The following SIMC1 variants were observed in gnomAD, a reference collection of about 807,000 sequenced individuals.
SIMC1 encodes SUMO-interacting motif-containing protein 1.
In SIMC1, 55 loss-of-function variants were observed where a neutral mutation model predicts 82.3. That is an observed-to-expected ratio of 0.67 (90% CI 0.54 to 0.84). The LOEUF is 0.84. Among genes scored for constraint, SIMC1 ranks in the 40% least tolerant of loss-of-function variants. SIMC1 has a pLI of 0.00. For synonymous variants in SIMC1, 353 were observed against 426.3 expected (o/e 0.83, Z 2.12); for missense variants, 915 against 1,107.2 (o/e 0.83, Z 2.46).
intron 1 of SIMC1, among the ~76,000 whole-genome samples, chr5:176,275,898 A>G (rs949335679): frequency 4.6e-5 from 7 of 151,652 alleles, no homozygotes; most frequent in East Asian, 1.9e-4. Flanking sequence ...GGATTTTTGC[A>G]TCAATGTTCA....
chr5:176,285,940 A>G (rs1048966539), intron 1 of SIMC1, among the ~76,000 whole-genome samples: 1 of 152,226 alleles, frequency 6.6e-6, no homozygotes, highest in Non-Finnish European at 1.5e-5. Context: ...GATGTGAAGG[A>G]CCTCTTCAAG....
intron 8 of SIMC1, 84 bp from the exon 9 acceptor site, chr5:176,336,978 A>T: frequency 6.2e-7 from 1 of 1,600,780 alleles, no homozygotes; most frequent in Non-Finnish European, 8.5e-7. Flanking sequence ...CTGTTTGAGC[A>T]TTCTGTAAAG....
In SIMC1 at chr5:176,277,836, G is replaced by C. The variant is rs1339063624; in HGVS notation, c.130-11818G>C. Among the ~76,000 whole-genome samples, 1,006 of 151,838 alleles carry C rather than the reference G, an allele frequency of 6.6e-3. 24 individuals carry two copies. The highest frequency in any genetic ancestry group is 0.023 in the African/African-American group (942 of 41,298). ...TCTGTTTTGGTACCAGTACCATGCT[G>C]TTTTGGTGACTGTAGCCTTGTAGTA... On this transcript the variant is annotated intron_variant, in intron 1 of 9. Coordinates refer to ENST00000429602, the MANE Select transcript of SIMC1 (RefSeq NM_001308195.2).
intron 7 of SIMC1, among the ~76,000 whole-genome samples, chr5:176,331,368 TAAAA>T (rs70991536): frequency 1.5e-5 from 2 of 131,442 alleles, no homozygotes. Context: ...AGACTCTGTC[TAAAA>T]AAAAAAAAAA....
Position 176,290,068 on chromosome 5 carries a change from G to C in SIMC1, c.544G>C (p.Val182Leu). The change falls in exon 2 of 10, where the codon GTT becomes CTT. Residue 182 changes from valine to leucine, a missense_variant. Coordinates refer to ENST00000429602, the MANE Select transcript of SIMC1 (RefSeq NM_001308195.2). ...GGCAAGTCTACAGCTGTCTTCAGAT[G>C]TTAGCTCCCTCTCCCCAACAAGCAA... ...FLASLQLSSD[V>L]SSLSPTSNNS... 2.5e-6 allele frequency: 4 copies of C among 1,609,654 alleles called. No individual in the cohort carries two copies. The highest frequency in any genetic ancestry group is 3.4e-6 in the Non-Finnish European group (4 of 1,177,858).
chr5:176,276,725 A>T (rs1199415375), intron 1 of SIMC1, among the ~76,000 whole-genome samples: 1 of 142,970 alleles, frequency 7.0e-6, no homozygotes. Context: ...GCGATAGTTT[A>T]CTGAGAATGA....
chr5:176,313,811 G>T lies in SIMC1; in HGVS notation c.1855G>T (p.Val619Leu), dbSNP rs143105269. 3.1e-6 allele frequency: 5 copies of T among 1,613,806 alleles called. No homozygotes were observed. The South Asian group carries it at 5.5e-5, about 18-fold the overall frequency. Residue 619 changes from valine to leucine, a missense_variant, in exon 5 of 10, where the codon GTG becomes TTG. Coordinates refer to ENST00000429602, the MANE Select transcript of SIMC1 (RefSeq NM_001308195.2). Reference sequence around the variant, plus strand: ...CCTGCAGCAATCCATTGCAAACATGGTGCTTTCCTGTGACAAGCAGCCCCA... The same window carrying T: ...CCTGCAGCAATCCATTGCAAACATGTTGCTTTCCTGTGACAAGCAGCCCCA... ...QHLQQSIANMVLSCDKQPHNV... is the reference protein window; with the variant it reads ...QHLQQSIANMLLSCDKQPHNV...
At chr5:176,299,731 A>G (rs541757373) in intron 4 of SIMC1, among the ~76,000 whole-genome samples, 2 of 152,314 alleles carry the variant, frequency 1.3e-5, no homozygotes, top group South Asian at 2.1e-4. Flanking sequence ...AACCAGACAG[A>G]AAATCAATAA....
chr5:176,290,264 T>C lies in SIMC1; in HGVS notation c.740T>C (p.Leu247Ser), dbSNP rs1561698160. 2.5e-6 allele frequency: 4 copies of C among 1,610,758 alleles called. No homozygotes were observed. The highest frequency in any genetic ancestry group is 3.4e-6 in the Non-Finnish European group (4 of 1,179,388). The change falls in exon 2 of 10, where the codon TTG becomes TCG. Residue 247 changes from leucine (L) to serine (S), a missense_variant. Leu to Ser is a moderately radical substitution (Grantham distance 145). This residue lies in a region of SIMC1 where 902 missense variants were observed against 1,040.3 expected (regional missense o/e 0.87). Transcript: ENST00000429602. ...GCCTCCTCATGCCCACCACGAGCCTTGTCATGCCCATCACAAACCATGCAG... is the reference window on the plus strand; with the variant it reads ...GCCTCCTCATGCCCACCACGAGCCTCGTCATGCCCATCACAAACCATGCAG... The part of the protein sequence containing the change: ...PRASSCPPRA[L>S]SCPSQTMQCQ...
chr5:176,304,145 A>T (rs1441662419), intron 4 of SIMC1, among the ~76,000 whole-genome samples: 1 of 152,052 alleles, frequency 6.6e-6, no homozygotes, highest in Non-Finnish European at 1.5e-5. Context: ...AGCTTATGGG[A>T]TGGGAGAAAA....
intron 4 of SIMC1, chr5:176,308,419 G>A: frequency 1.9e-6 from 3 of 1,607,426 alleles, no homozygotes; most frequent in Non-Finnish European, 2.6e-6. Flanking sequence ...AGAGTTGTGG[G>A]CTGGTATCAT....
At position 176,313,603 on chromosome 5, in the gene SIMC1, C is replaced by A. The variant is rs115828354; in HGVS notation, c.1735-88C>A. On this transcript the variant is annotated intron_variant, in intron 4 of 9. Coordinates refer to ENST00000429602, the MANE Select transcript of SIMC1 (RefSeq NM_001308195.2). ...CATACTTGTTGATGCATGGCCTTCT[C>A]TTGGGCTTAGTATTTATGAGAGCCC... 6.7e-4 allele frequency: 1,051 copies of A among 1,574,998 alleles called. 7 individuals carry two copies. In the African/African-American group the frequency reaches 0.012, roughly 19 times the overall value.
At chr5:176,298,250 C>T (rs1255065362) in intron 4 of SIMC1, among the ~76,000 whole-genome samples, 1 of 152,208 alleles carries the variant, frequency 6.6e-6, no homozygotes, top group African/African-American at 2.4e-5. Context: ...CCTCCCATAC[C>T]TTGGCTCTTC....
chr5:176,257,311 A>T (rs765172809), intron 1 of SIMC1, among the ~76,000 whole-genome samples: 65 of 152,206 alleles, frequency 4.3e-4, no homozygotes, highest in Non-Finnish European at 6.3e-4. Flanking sequence ...TTATATAAAA[A>T]TTTTTTTTAA....
chr5:176,316,800 C>T (rs866303815), intron 5 of SIMC1, among the ~76,000 whole-genome samples: 7 of 152,040 alleles, frequency 4.6e-5, no homozygotes, highest in Non-Finnish European at 5.9e-5. Flanking sequence ...TTGAGACCAG[C>T]CTGGCCTCAA....
intron 1 of SIMC1, among the ~76,000 whole-genome samples, chr5:176,251,224 A>G (rs1236264522): frequency 4.6e-5 from 7 of 152,066 alleles, no homozygotes; most frequent in Non-Finnish European, 8.8e-5. Context: ...GCTAGGTGTG[A>G]TGGCACACTC....
chr5:176,325,612 G>A (rs1561726012), intron 7 of SIMC1, among the ~76,000 whole-genome samples: 1 of 152,090 alleles, frequency 6.6e-6, no homozygotes, highest in South Asian at 2.1e-4. Flanking sequence ...TGTGAACCCT[G>A]GAGGCGGAGC....
chr5:176,287,248 C>G (rs573662521), intron 1 of SIMC1, among the ~76,000 whole-genome samples: 88 of 152,200 alleles, frequency 5.8e-4, no homozygotes, highest in African/African-American at 1.9e-3. Flanking sequence ...ATCAATGATA[C>G]ACTGGATTAA....
At chr5:176,342,054 CCTGCATGATTTAATAAA>C (rs1348704597) in intron 9 of SIMC1, among the ~76,000 whole-genome samples, 2 of 152,210 alleles carry the variant, frequency 1.3e-5, no homozygotes, top group African/African-American at 2.4e-5. Flanking sequence ...CTTTAACTTT[CCTGCATGATTTAATAAA>C]CTCCACATTC....
Sources: allele counts gnomAD v4.1 joint callset (sites outside exome capture counted in the v4.1 genomes callset), GRCh38; gene constraint gnomAD v4.1.1; regional missense constraint gnomAD v4.1.1; transcripts MANE v1.5; gene names NCBI Gene and HGNC (gene_info 2026-07-23, HGNC 2026-07-21).